RNF144B: variants seen among roughly 807,000 people sequenced by gnomAD.
RNF144B encodes E3 ubiquitin-protein ligase RNF144B.
RNF144B carries 25 observed loss-of-function variants against 40.2 expected under a neutral mutation model. That is an observed-to-expected ratio of 0.62 (90% confidence interval 0.45 to 0.87). The LOEUF is 0.87. Ranked by LOEUF, RNF144B falls within the 40% of genes least tolerant of loss-of-function variation. RNF144B has a pLI of 0.00. For synonymous variants in RNF144B, 145 were observed against 136.3 expected, an observed-to-expected ratio of 1.06 and a Z score of -0.44; for missense variants, 365 against 373.7, an observed-to-expected ratio of 0.98 and a Z score of 0.19.
intron 2 of RNF144B, among the ~76,000 whole-genome samples, chr6:18,404,798 C>T (rs957365429): frequency 6.6e-6 from 1 of 152,128 alleles, no homozygotes; most frequent in Admixed American, 6.5e-5. Context: ...TTTCAAAGTA[C>T]CACATATTTA....
intron 2 of RNF144B, among the ~76,000 whole-genome samples, chr6:18,404,466 T>A (rs1420852329): frequency 6.6e-6 from 1 of 152,116 alleles, no homozygotes; most frequent in African/African-American, 2.4e-5. Context: ...GATCCATCAG[T>A]GTGCTGAGCT....
rs1758977527 is a variant in RNF144B, at chr6:18,442,051, A to AC, written c.331+2307_331+2308insC. On this transcript the variant is annotated intron_variant, in intron 4 of 7. Coordinates refer to ENST00000259939, the MANE Select transcript of RNF144B (RefSeq NM_182757.4). This position sits in a 1 kb window ranked among gnomAD's most constrained non-coding sequence, Gnocchi z 4.3. ...TATTGATTGTCTTGTTGTCAGTGGG[A>AC]TTAGAACACTTGAAGTTAATTGGCA... Among the ~76,000 whole-genome samples, 1 of 152,206 alleles carries AC rather than the reference A, an allele frequency of 6.6e-6. No homozygotes were observed. The highest frequency in any genetic ancestry group is 2.1e-4 in the South Asian group (1 of 4,832).
intron 3 of RNF144B, among the ~76,000 whole-genome samples, chr6:18,436,127 A>G (rs912474738): frequency 2.4e-4 from 37 of 152,222 alleles, no homozygotes; most frequent in African/African-American, 8.9e-4. Context: ...GATGGCCCCA[A>G]GGACACGTCT....
intron 3 of RNF144B, among the ~76,000 whole-genome samples, chr6:18,429,412 T>C (rs1158351799): frequency 1.3e-5 from 2 of 152,174 alleles, no homozygotes; most frequent in African/African-American, 4.8e-5. Flanking sequence ...GTCAGAAAGT[T>C]AGTATAGACA....
rs1795072192 is a variant in RNF144B, at chr6:18,412,717, A to T, written c.165+13018A>T. ...CAGTTCATTAAAGATTGGTTATATAAGGCTTATCTATGTGGATTCCAGATA... is the reference window on the plus strand; with the variant it reads ...CAGTTCATTAAAGATTGGTTATATATGGCTTATCTATGTGGATTCCAGATA... On this transcript the variant is annotated intron_variant, in intron 2 of 7. Transcript: ENST00000259939. The surrounding 1 kb of genome is among the most constrained non-coding windows in gnomAD (Gnocchi z 4.2). 6.6e-6 allele frequency among the ~76,000 whole-genome samples: 1 copy of T among 152,182 alleles called. No homozygotes were observed. The highest frequency in any genetic ancestry group is 2.4e-5 in the African/African-American group (1 of 41,454).
intron 3 of RNF144B, 67 bp downstream of exon 3, chr6:18,427,752 T>C: frequency 9.4e-7 from 1 of 1,064,052 alleles, no homozygotes; most frequent in Non-Finnish European, 1.4e-6. Flanking sequence ...CTTGAGTCTT[T>C]ATGTATTTCC....
rs1795196346 is a variant in RNF144B, at chr6:18,418,780, A to G, written c.166-8801A>G. On this transcript the variant is annotated intron_variant, in intron 2 of 7. Transcript: ENST00000259939. The surrounding 1 kb of genome is among the most constrained non-coding windows in gnomAD (Gnocchi z 5.2). ...ATTATATCTCAATAAAACATGACAT[A>G]ATATAAAATATATAATATTTACATA... 1.3e-5 allele frequency among the ~76,000 whole-genome samples: 2 copies of G among 151,574 alleles called. No individual in the cohort carries two copies. The highest frequency in any genetic ancestry group is 4.8e-5 in the African/African-American group (2 of 41,324).
chr6:18,420,777 C>T (rs1795243117), intron 2 of RNF144B, among the ~76,000 whole-genome samples: 2 of 152,058 alleles, frequency 1.3e-5, no homozygotes, highest in South Asian at 4.1e-4. Context: ...TTTTATGTGG[C>T]TTCCTTTTGA....
chr6:18,420,922 C>T (rs1582416730), intron 2 of RNF144B, among the ~76,000 whole-genome samples: 2 of 152,124 alleles, frequency 1.3e-5, no homozygotes, highest in East Asian at 1.9e-4. Flanking sequence ...AGAATAAGAA[C>T]ACCACAATAA....
Position 18,466,440 on chromosome 6 carries a change from T to C in RNF144B, c.*1373T>C, listed in dbSNP as rs1190109737. 2 of 152,366 alleles carry C rather than the reference T, an allele frequency of 1.3e-5. No homozygotes were observed. Among genetic ancestry groups the C allele is most frequent in the African/African-American group, 4.8e-5 (2 of 41,464 alleles). The allele number at this position is 152,366 out of a possible 1,614,324, so 9.4% of individuals were successfully genotyped here. A position where few individuals can be genotyped will look rare whatever the true frequency, so the allele number is the denominator to read the frequency against. On this transcript the variant is annotated 3_prime_UTR_variant, in exon 8 of 8. Coordinates refer to ENST00000259939, the MANE Select transcript of RNF144B (RefSeq NM_182757.4). ...TGTAAGAAATAAAATAGAAATGCTTTATATAATTTAGTTTAAATTTATGTA... is the reference window on the plus strand; with the variant it reads ...TGTAAGAAATAAAATAGAAATGCTTCATATAATTTAGTTTAAATTTATGTA...
At chr6:18,415,704 T>C (rs534086304) in intron 2 of RNF144B, among the ~76,000 whole-genome samples, 1 of 152,306 alleles carries the variant, frequency 6.6e-6, no homozygotes, top group South Asian at 2.1e-4. Flanking sequence ...TTAATATTCA[T>C]TCTGCATTCT....
intron 2 of RNF144B, among the ~76,000 whole-genome samples, chr6:18,401,364 TC>T (rs1794798619): frequency 6.6e-6 from 1 of 152,202 alleles, no homozygotes; most frequent in Non-Finnish European, 1.5e-5. Context: ...GTTAGCTTTT[TC>T]AGTCATCTAG....
Position 18,446,003 on chromosome 6 carries a change from TC to T in RNF144B, c.331+6261del, listed in dbSNP as rs1348063157. On this transcript the variant is annotated intron_variant, in intron 4 of 7. Coordinates refer to ENST00000259939, the MANE Select transcript of RNF144B (RefSeq NM_182757.4). This position sits in a 1 kb window ranked among gnomAD's most constrained non-coding sequence, Gnocchi z 4.7. The stretch of plus-strand genomic sequence containing the variant: ...GTGGGCACTCCACTTTGTCTCAAAT[TC>T]CTTATAGGTCATTAGTGTGAGAAGA... Among the ~76,000 whole-genome samples the T allele has an allele frequency of 6.6e-6, 1 of 152,214 alleles. No homozygotes were observed. The highest frequency in any genetic ancestry group is 2.4e-5 in the African/African-American group (1 of 41,460).
intron 3 of RNF144B, among the ~76,000 whole-genome samples, chr6:18,429,078 G>T (rs1232932118): frequency 5.3e-5 from 8 of 152,076 alleles, no homozygotes; most frequent in African/African-American, 1.9e-4. Flanking sequence ...CATGCCTATA[G>T]TCCCAGCTAC....
chr6:18,423,206 G>T (rs1003856617), intron 2 of RNF144B, among the ~76,000 whole-genome samples: 1 of 152,146 alleles, frequency 6.6e-6, no homozygotes, highest in South Asian at 2.1e-4. Context: ...GCTTAGACAG[G>T]TGATATTGTC....
At chr6:18,433,919 C>T (rs1758755134) in intron 3 of RNF144B, among the ~76,000 whole-genome samples, 1 of 152,306 alleles carries the variant, frequency 6.6e-6, no homozygotes, top group Non-Finnish European at 1.5e-5. Context: ...CATTGATCCG[C>T]ACAGTGAGTG....
chr6:18,388,369 T>A (rs1794511429), intron 1 of RNF144B, among the ~76,000 whole-genome samples: 1 of 152,288 alleles, frequency 6.6e-6, no homozygotes, highest in Admixed American at 6.5e-5. Flanking sequence ...CATTGAGAGG[T>A]ATAAATTAAA....
Position 18,416,114 on chromosome 6 carries a change from T to A in RNF144B, c.166-11467T>A, listed in dbSNP as rs1314081596. ...AGGATGTAAACTTGGCAAGCCTTCT[T>A]GTTTTCTTTCTCCTGGAATGGTCAG... On this transcript the variant is annotated intron_variant, in intron 2 of 7. Transcript: ENST00000259939. This position sits in a 1 kb window ranked among gnomAD's most constrained non-coding sequence, Gnocchi z 5.5. Among the ~76,000 whole-genome samples, 1 of 151,008 alleles carries A rather than the reference T, an allele frequency of 6.6e-6. No homozygotes were observed. The highest frequency in any genetic ancestry group is 2.4e-5 in the African/African-American group (1 of 41,386).
At position 18,406,660 on chromosome 6, in the gene RNF144B, A is replaced by G. The variant is rs1582405239; in HGVS notation, c.165+6961A>G. ...CCAGTCCGAGGGCAGGAGAAAACTG[A>G]TGTCCCAGCTCAGGCAGTCAGGCAG... On this transcript the variant is annotated intron_variant, in intron 2 of 7. Coordinates refer to ENST00000259939, the MANE Select transcript of RNF144B (RefSeq NM_182757.4). This position sits in a 1 kb window ranked among gnomAD's most constrained non-coding sequence, Gnocchi z 4.2. 6.6e-6 allele frequency among the ~76,000 whole-genome samples: 1 copy of G among 152,212 alleles called. No homozygotes were observed. Among genetic ancestry groups the G allele is most frequent in the Non-Finnish European group, 1.5e-5 (1 of 68,016 alleles).
Sources: gnomAD v4.1 joint callset for allele counts (sites outside exome capture counted in the v4.1 genomes callset) on GRCh38, gnomAD v4.1.1 for gene constraint, Gnocchi (gnomAD v3.1) non-coding constraint, MANE v1.5 for transcripts, NCBI Gene and HGNC (gene_info 2026-07-23, HGNC 2026-07-21) for gene names.